SNAP47: variants seen among roughly 807,000 people sequenced by gnomAD.
SNAP47 encodes the protein synaptosomal-associated protein 47.
A neutral mutation model predicts 31.4 loss-of-function variants in SNAP47; 20 were observed. The ratio of observed to expected loss-of-function variants is 0.64; its 90% CI spans 0.45 to 0.93. The LOEUF is 0.93. Ranked by LOEUF, SNAP47 falls within the 40% of genes least tolerant of loss-of-function variation. The pLI, the probability that SNAP47 is intolerant of heterozygous loss-of-function variation, is 0.00. For missense variants in SNAP47, 492 were observed against 528.5 expected, an observed-to-expected ratio of 0.93 and a Z score of 0.68; for synonymous variants, 194 against 213.4, an observed-to-expected ratio of 0.91 and a Z score of 0.79.
chr1:227,760,745 G>C (rs1336901543), intron 3 of SNAP47, among the ~76,000 whole-genome samples: 1 of 152,182 alleles, frequency 6.6e-6, no homozygotes, highest in Non-Finnish European at 1.5e-5. Context: ...TCTATGGATG[G>C]CCTGTTCTGT....
chr1:227,734,955 G>A (rs1396995933), upstream of SNAP47: 3 of 1,497,890 alleles, frequency 2.0e-6, no homozygotes, highest in East Asian at 2.4e-5. Context: ...GGGGCCTCCC[G>A]GGCCTGGGTC....
intron 1 of SNAP47, among the ~76,000 whole-genome samples, chr1:227,744,525 A>G (rs73093319): frequency 0.011 from 1,656 of 152,148 alleles, 32 homozygotes; most frequent in African/African-American, 0.038. Flanking sequence ...TATTGAGCAC[A>G]TTGCAAGTGA....
intron 1 of SNAP47, among the ~76,000 whole-genome samples, chr1:227,736,696 T>G (rs1041945522): frequency 2.1e-5 from 3 of 145,138 alleles, no homozygotes; most frequent in Admixed American, 6.8e-5. Context: ...GTTTTTTTTT[T>G]TTTTTTTTGT....
intron 4 of SNAP47, chr1:227,776,394 T>C (rs1022462756): frequency 5.1e-6 from 5 of 986,642 alleles, no homozygotes. Context: ...TCGAACTGGC[T>C]GGAAGGAAGG....
At chr1:227,733,015 AGAT>A, upstream of SNAP47, 2 of 1,613,474 alleles carry the variant, frequency 1.2e-6, no homozygotes, top group Non-Finnish European at 1.7e-6. Context: ...TGGTTGATGG[AGAT>A]GGTGTCATCC....
upstream of SNAP47, chr1:227,734,090 C>T: frequency 1.9e-6 from 3 of 1,575,750 alleles, no homozygotes; most frequent in Admixed American, 3.6e-5. Context: ...GAGACTAGGG[C>T]AGCACGAGTG....
At chr1:227,732,584 C>G (rs752532169), upstream of SNAP47, 4 of 1,613,396 alleles carry the variant, frequency 2.5e-6, no homozygotes, top group African/African-American at 4.0e-5. Context: ...CAGCGGCTGC[C>G]TCCCTCAGGA....
chr1:227,756,933 C>T (rs73093344), intron 2 of SNAP47, among the ~76,000 whole-genome samples: 1 of 152,210 alleles, frequency 6.6e-6, no homozygotes, highest in African/African-American at 2.4e-5. Flanking sequence ...CCAGGGAGCC[C>T]AAGAGGCAGG....
At chr1:227,750,829 A>G (rs1414378658) in intron 2 of SNAP47, among the ~76,000 whole-genome samples, 1 of 152,172 alleles carries the variant, frequency 6.6e-6, no homozygotes, top group Middle Eastern at 3.2e-3. Flanking sequence ...GAGAAGGAGC[A>G]TCTTTTTCTG....
intron 1 of SNAP47, chr1:227,746,845 G>A (rs1414001641): frequency 6.6e-6 from 1 of 152,258 alleles, no homozygotes; most frequent in African/African-American, 2.4e-5. Flanking sequence ...AGGCATCCCC[G>A]GCCTGGCTCT....
chr1:227,780,289 C>T (rs1412629690), intron 4 of SNAP47, among the ~76,000 whole-genome samples: 4 of 152,186 alleles, frequency 2.6e-5, no homozygotes, highest in African/African-American at 4.8e-5. Context: ...GCAGGAGGTG[C>T]GGGCAGGCAG....
At chr1:227,738,840 T>C (rs1235096127) in intron 1 of SNAP47, among the ~76,000 whole-genome samples, 1 of 152,188 alleles carries the variant, frequency 6.6e-6, no homozygotes, top group Non-Finnish European at 1.5e-5. Context: ...TGCAGCTCCG[T>C]GGTTGAGCCT....
rs1009889826 is a variant in SNAP47 at position 227,763,675 on chromosome 1, G to A, written c.989-3284G>A. Reference sequence around the variant, plus strand: ...CCGCTCAGCCCCCACCTGCGCGTGCGTATTGGTTGAGTGGGAGATGGAGCA... The same window carrying A: ...CCGCTCAGCCCCCACCTGCGCGTGCATATTGGTTGAGTGGGAGATGGAGCA... On this transcript the variant is annotated intron_variant, in intron 3 of 4. Transcript: ENST00000617596. The surrounding 1 kb of genome is among the most constrained non-coding windows in gnomAD (Gnocchi z 4.2). 6.6e-5 allele frequency among the ~76,000 whole-genome samples: 10 copies of A among 152,208 alleles called. No individual in the cohort carries two copies. Among genetic ancestry groups the A allele is most frequent in the South Asian group, 2.1e-4 (1 of 4,826 alleles).
At position 227,767,041 on chromosome 1, in the gene SNAP47, C is replaced by T. The variant is rs34209229; in HGVS notation, c.1071C>T (p.Ser357=). The change falls in exon 4 of 5, where the codon AGC becomes AGT. Residue 357 remains serine, a synonymous_variant. Transcript: ENST00000617596. The part of the protein sequence containing the change: ...QEGTALHLQT[S]LPALSEADTQ... ...GCACAGCACTGCACCTGCAGACAAG[C>T]CTGCCAGCCCTTTCTGAGGCAGATA... The T allele has an allele frequency of 0.041, 65,383 of 1,614,048 alleles. 1,615 individuals carry two copies. Among genetic ancestry groups the T allele is most frequent in the Non-Finnish European group, 0.046 (54,581 of 1,180,000 alleles).
At chr1:227,761,374 T>G (rs1208365119) in intron 3 of SNAP47, among the ~76,000 whole-genome samples, 1 of 152,196 alleles carries the variant, frequency 6.6e-6, no homozygotes, top group Non-Finnish European at 1.5e-5. Context: ...ACCTTAGATA[T>G]GCAGCACGTA....
At chr1:227,776,411 C>T in intron 4 of SNAP47, 1 of 986,646 alleles carries the variant, frequency 1.0e-6, no homozygotes, top group Non-Finnish European at 1.2e-6. Context: ...AAGGCTGGTT[C>T]CTGGATTTCT....
At chr1:227,753,136 C>T (rs761723544) in intron 2 of SNAP47, among the ~76,000 whole-genome samples, 1 of 152,238 alleles carries the variant, frequency 6.6e-6, no homozygotes, top group Non-Finnish European at 1.5e-5. Context: ...TCCATTTTCT[C>T]AATCCATCCG....
intron 1 of SNAP47, chr1:227,747,130 T>G: frequency 6.5e-6 from 1 of 152,916 alleles, no homozygotes; most frequent in Non-Finnish European, 1.5e-5. Context: ...CGCTATAAGG[T>G]TAGGTGGGGT....
intron 1 of SNAP47, among the ~76,000 whole-genome samples, chr1:227,742,299 A>G (rs979954651): frequency 6.6e-6 from 1 of 152,072 alleles, no homozygotes; most frequent in Non-Finnish European, 1.5e-5. Context: ...CAGTGGTACA[A>G]TCACGACTCA....
Sources: allele counts gnomAD v4.1 joint callset (sites outside exome capture counted in the v4.1 genomes callset), GRCh38; gene constraint gnomAD v4.1.1; non-coding constraint Gnocchi (gnomAD v3.1); transcripts MANE v1.5; gene names NCBI Gene and HGNC (gene_info 2026-07-23, HGNC 2026-07-21).